Variants in CSMD3 observed in about 807,000 individuals in gnomAD.
The protein encoded by CSMD3 is CUB and sushi domain-containing protein 3.
Under a neutral mutation model 435.2 loss-of-function variants are expected in CSMD3, and 177 were observed. That is an observed-to-expected ratio of 0.41 (90% CI 0.36 to 0.46). The LOEUF is 0.46. Ranked by LOEUF, CSMD3 falls within the 20% of genes least tolerant of loss-of-function variation. CSMD3 has a pLI of 0.34. For missense variants in CSMD3, 4,265 were observed against 4,504.6 expected (o/e 0.95, Z 1.52); for synonymous variants, 1,656 against 1,520.5 (o/e 1.09, Z -2.07).
At chr8:113,407,600 T>C (rs1428443008) in intron 1 of CSMD3, among the ~76,000 whole-genome samples, 2 of 151,622 alleles carry the variant, frequency 1.3e-5, no homozygotes, top group Non-Finnish European at 2.9e-5. Flanking sequence ...GTGTATGAGG[T>C]TAGGGGGGTT....
chr8:112,594,193 T>C (rs1351538378), intron 22 of CSMD3, among the ~76,000 whole-genome samples: 5 of 152,154 alleles, frequency 3.3e-5, no homozygotes, highest in South Asian at 2.1e-4. Context: ...GGGCGAGGCA[T>C]TGCCTCACTT....
chr8:113,358,241 A>G (rs551873311), intron 1 of CSMD3, among the ~76,000 whole-genome samples: 117 of 152,248 alleles, frequency 7.7e-4, no homozygotes, highest in Non-Finnish European at 1.4e-3. Flanking sequence ...TTATTTCTCT[A>G]GCTTAAAAAC....
At chr8:112,704,676 A>G (rs1392974451) in intron 13 of CSMD3, among the ~76,000 whole-genome samples, 1 of 152,186 alleles carries the variant, frequency 6.6e-6, no homozygotes, top group Non-Finnish European at 1.5e-5. Context: ...AAGAGAATAC[A>G]TTGAAATACA....
At chr8:112,445,182 G>T (rs1293709911) in intron 32 of CSMD3, among the ~76,000 whole-genome samples, 7 of 152,108 alleles carry the variant, frequency 4.6e-5, no homozygotes, top group Non-Finnish European at 1.5e-5. Flanking sequence ...GACGGAGGTT[G>T]CAGTGAGCCA....
At chr8:112,836,915 C>T (rs2080042182) in intron 11 of CSMD3, among the ~76,000 whole-genome samples, 1 of 151,858 alleles carries the variant, frequency 6.6e-6, no homozygotes, top group Non-Finnish European at 1.5e-5. Flanking sequence ...TGAAACTAAA[C>T]TTCAAGTTTG....
chr8:112,982,434 A>C (rs1371323211), intron 6 of CSMD3, among the ~76,000 whole-genome samples: 1 of 151,814 alleles, frequency 6.6e-6, no homozygotes, highest in East Asian at 1.9e-4. Flanking sequence ...AGAATCCTGA[A>C]TCTTTAGATC....
intron 1 of CSMD3, among the ~76,000 whole-genome samples, chr8:113,378,762 AGTGTGTGTGT>A (rs5894145): frequency 6.7e-6 from 1 of 148,166 alleles, no homozygotes; most frequent in Non-Finnish European, 1.5e-5. Context: ...GTCACACTGA[AGTGTGTGTGT>A]GTGTGTGTGT....
At chr8:112,356,192 G>GA (rs920064455) in intron 38 of CSMD3, among the ~76,000 whole-genome samples, 7 of 151,604 alleles carry the variant, frequency 4.6e-5, no homozygotes, top group Non-Finnish European at 1.0e-4. Flanking sequence ...AGAATCAAAG[G>GA]AAAAAAAATC....
chr8:112,740,471 G>A (rs942613310), intron 13 of CSMD3, among the ~76,000 whole-genome samples: 1 of 151,626 alleles, frequency 6.6e-6, no homozygotes, highest in Non-Finnish European at 1.5e-5. Flanking sequence ...ATTCTAAGGT[G>A]AGTAAAATAT....
At chr8:112,435,099 A>G (rs1814175502) in intron 32 of CSMD3, among the ~76,000 whole-genome samples, 2 of 152,128 alleles carry the variant, frequency 1.3e-5, no homozygotes, top group Admixed American at 1.3e-4. Flanking sequence ...AGGGGAAAAG[A>G]AACCACAGAC....
chr8:112,804,248 G>A (rs2079027765), intron 12 of CSMD3, among the ~76,000 whole-genome samples: 1 of 152,036 alleles, frequency 6.6e-6, no homozygotes, highest in Non-Finnish European at 1.5e-5. Flanking sequence ...AAGGGTATTA[G>A]GATGGCAAGG....
intron 13 of CSMD3, among the ~76,000 whole-genome samples, chr8:112,776,311 T>C (rs551056491): frequency 1.3e-5 from 2 of 151,954 alleles, no homozygotes; most frequent in African/African-American, 2.4e-5. Flanking sequence ...TATTGAATCA[T>C]ATTTCTCAGT....
chr8:112,546,990 G>T (rs1827240457), intron 27 of CSMD3, among the ~76,000 whole-genome samples: 1 of 152,164 alleles, frequency 6.6e-6, no homozygotes, highest in Non-Finnish European at 1.5e-5. Flanking sequence ...AGACTGTTCT[G>T]CTACTATTGC....
intron 5 of CSMD3, among the ~76,000 whole-genome samples, chr8:113,024,818 T>C (rs1315979178): frequency 6.6e-6 from 1 of 152,200 alleles, no homozygotes; most frequent in African/African-American, 2.4e-5. Context: ...CTTTAGTGTA[T>C]CCATCACTGG....
intron 16 of CSMD3, among the ~76,000 whole-genome samples, chr8:112,671,131 T>G (rs1162533601): frequency 6.6e-6 from 1 of 152,134 alleles, no homozygotes; most frequent in Non-Finnish European, 1.5e-5. Flanking sequence ...GAATAGTTTA[T>G]ATCTCAGTTG....
At chr8:112,291,761 A>C (rs777024882) in intron 55 of CSMD3, 66 bp from the exon 56 acceptor site, 235 of 1,022,646 alleles carry the variant, frequency 2.3e-4, no homozygotes, top group Non-Finnish European at 3.3e-4. Context: ...ATAGATTTAT[A>C]TTAGAAATGT....
At chr8:112,710,309 T>C (rs1322224517) in intron 13 of CSMD3, among the ~76,000 whole-genome samples, 5 of 152,166 alleles carry the variant, frequency 3.3e-5, no homozygotes, top group Non-Finnish European at 5.9e-5. Context: ...AACATGTGTC[T>C]AATGAGGTTG....
intron 7 of CSMD3, among the ~76,000 whole-genome samples, chr8:112,970,395 CAAAAAAA>C (rs11284034): frequency 3.6e-5 from 3 of 82,196 alleles, no homozygotes; most frequent in Admixed American, 1.3e-4. Context: ...GACTCCCTCT[CAAAAAAA>C]AAAAAAAAAA....
intron 32 of CSMD3, among the ~76,000 whole-genome samples, chr8:112,425,473 G>A (rs1812973857): frequency 6.6e-6 from 1 of 152,142 alleles, no homozygotes; most frequent in East Asian, 1.9e-4. Flanking sequence ...TCTGTGAGGA[G>A]TTTAATCTGT....
Sources: gnomAD v4.1 joint callset for allele counts (sites outside exome capture counted in the v4.1 genomes callset) on GRCh38, gnomAD v4.1.1 for gene constraint, MANE v1.5 for transcripts, NCBI Gene and HGNC (gene_info 2026-07-23, HGNC 2026-07-21) for gene names.